VMP1: variants seen among roughly 807,000 people sequenced by gnomAD.
VMP1 encodes vacuole membrane protein 1.
Under a neutral mutation model 56.0 loss-of-function variants are expected in VMP1, and 11 were observed. That is an observed-to-expected ratio of 0.20 (90% CI 0.12 to 0.32). The LOEUF (loss-of-function observed/expected upper bound fraction) is 0.32, where lower values mean the gene tolerates loss of function less well. VMP1 is among the 10% of genes least tolerant of loss of function. The probability of loss-of-function intolerance (pLI) is 1.00; values close to 1 mark genes in which losing one functional copy is unlikely to be tolerated. For synonymous variants in VMP1, 149 were observed against 165.0 expected, an observed-to-expected ratio of 0.90 and a Z score of 0.74; for missense variants, 296 against 490.3, an observed-to-expected ratio of 0.60 and a Z score of 3.74.
intron 5 of VMP1, among the ~76,000 whole-genome samples, chr17:59,744,462 CAAA>C (rs60407542): frequency 4.8e-4 from 26 of 53,864 alleles, no homozygotes; most frequent in African/African-American, 1.4e-3. Context: ...AATTCCATCT[CAAA>C]AAAAAAAAAA....
intron 9 of VMP1, among the ~76,000 whole-genome samples, chr17:59,812,968 T>C (rs766730072): frequency 6.6e-6 from 1 of 152,100 alleles, no homozygotes; most frequent in Non-Finnish European, 1.5e-5. Flanking sequence ...TCTCTGCCCT[T>C]GTATGATTCC....
Position 59,738,787 on chromosome 17 carries a change from G to A in VMP1, c.304-50G>A, listed in dbSNP as rs762508270. The A allele has an allele frequency of 2.1e-5, 26 of 1,253,606 alleles. 1 individual carries two copies. The highest frequency in any genetic ancestry group is 1.0e-4 in the South Asian group (8 of 79,776). The allele number at this position is 1,253,606 out of a possible 1,614,324, so 77.7% of individuals were successfully genotyped here. A position where few individuals can be genotyped will look rare whatever the true frequency, so the allele number is the denominator to read the frequency against. Reference sequence around the variant, plus strand: ...ATTTTGATGATGGTTTATAAATACCGCATTTCTGTATAGAGAATTCACGGT... The same window carrying A: ...ATTTTGATGATGGTTTATAAATACCACATTTCTGTATAGAGAATTCACGGT... On this transcript the variant is annotated intron_variant, in intron 4 of 11. Coordinates refer to ENST00000262291, the MANE Select transcript of VMP1 (RefSeq NM_030938.5).
chr17:59,723,209 C>T (rs898472204), intron 1 of VMP1, among the ~76,000 whole-genome samples: 3 of 152,180 alleles, frequency 2.0e-5, no homozygotes, highest in Non-Finnish European at 4.4e-5. Flanking sequence ...ACAGCATATT[C>T]ATAAAGCACT....
intron 7 of VMP1, among the ~76,000 whole-genome samples, chr17:59,801,079 CG>C (rs2037626338): frequency 7.3e-5 from 2 of 27,342 alleles, no homozygotes; most frequent in Non-Finnish European, 2.0e-4. Context: ...GACTCCATCT[CG>C]AAAAAAAAAA....
chr17:59,839,692 A>G (rs1014908113), intron 11 of VMP1, 76 bp from the exon 12 acceptor site: 8 of 1,518,422 alleles, frequency 5.3e-6, no homozygotes, highest in East Asian at 2.4e-5. Context: ...CACTTCAAGC[A>G]TTATAGATGA....
intron 7 of VMP1, among the ~76,000 whole-genome samples, chr17:59,802,629 G>A (rs2037712309): frequency 6.6e-6 from 1 of 152,112 alleles, no homozygotes; most frequent in African/African-American, 2.4e-5. Flanking sequence ...GCAGTGGCAC[G>A]ATCTCTGCTC....
intron 7 of VMP1, among the ~76,000 whole-genome samples, chr17:59,805,150 G>A (rs113415580): frequency 0.022 from 3,361 of 152,258 alleles, 54 homozygotes; most frequent in Non-Finnish European, 0.035. Flanking sequence ...TCAGCTTCAC[G>A]TGTTCGGATA....
chr17:59,820,068 T>C (rs1238655061), intron 10 of VMP1, among the ~76,000 whole-genome samples: 4 of 152,188 alleles, frequency 2.6e-5, no homozygotes, highest in Non-Finnish European at 4.4e-5. Context: ...AATCTGAGCA[T>C]ATCATCACCA....
At chr17:59,838,100 CTTTTTTTT>C (rs371074488) in intron 10 of VMP1, 187 bp from the exon 11 acceptor site, 9 of 129,362 alleles carry the variant, frequency 7.0e-5, no homozygotes, top group Non-Finnish European at 9.3e-5. Context: ...AGTAAATTTT[CTTTTTTTT>C]TTTTTTTTTT....
chr17:59,751,186 C>A (rs2035629884), intron 5 of VMP1, among the ~76,000 whole-genome samples: 1 of 152,024 alleles, frequency 6.6e-6, no homozygotes, highest in African/African-American at 2.4e-5. Context: ...CCAGGTAGCA[C>A]CTTTTAAGCA....
At chr17:59,734,902 CTTTT>C (rs35072996) in intron 2 of VMP1, among the ~76,000 whole-genome samples, 2 of 72,290 alleles carry the variant, frequency 2.8e-5, no homozygotes, top group South Asian at 6.2e-4. Flanking sequence ...GACTGGTTGC[CTTTT>C]TTTTTTTTTT....
chr17:59,780,772 G>C (rs1448768848), intron 7 of VMP1, among the ~76,000 whole-genome samples: 1 of 152,052 alleles, frequency 6.6e-6, no homozygotes, highest in East Asian at 1.9e-4. Context: ...ATTTTCAGTA[G>C]AGATGGGATT....
At chr17:59,832,761 ATTTT>A (rs71145580) in intron 10 of VMP1, among the ~76,000 whole-genome samples, 11 of 101,346 alleles carry the variant, frequency 1.1e-4, no homozygotes, top group African/African-American at 4.4e-4. Context: ...GCCTGGCAAT[ATTTT>A]TTTTTTTTTT....
Position 59,737,524 on chromosome 17 carries a change from T to A in VMP1, c.284T>A (p.Val95Asp). ...LLAVLIATYY[V>D]EGVHQQYVQR... ...GCTGTGCTTATAGCTACGTATTATGTTGAAGGAGTGCATCAACAGGTGAGA... is the reference window on the plus strand; with the variant it reads ...GCTGTGCTTATAGCTACGTATTATGATGAAGGAGTGCATCAACAGGTGAGA... Residue 95 changes from valine (V) to aspartate (D), a missense_variant, in exon 4 of 12, where the codon GTT becomes GAT. Val to Asp is a radical substitution (Grantham distance 152). Around this residue, in one of 4 missense-constraint regions of VMP1, gnomAD observed 126 missense variants for 231.6 expected, o/e 0.54. Transcript: ENST00000262291. The A allele has an allele frequency of 6.2e-7, 1 of 1,610,784 alleles. No individual in the cohort carries two copies. The highest frequency in any genetic ancestry group is 8.5e-7 in the Non-Finnish European group (1 of 1,178,530).
chr17:59,710,672 T>A (rs546660676), intron 1 of VMP1, among the ~76,000 whole-genome samples: 84 of 152,352 alleles, frequency 5.5e-4, no homozygotes, highest in African/African-American at 1.8e-3. Flanking sequence ...ATAGTTTGTC[T>A]GAGTTCATGC....
intron 10 of VMP1, among the ~76,000 whole-genome samples, chr17:59,831,655 A>G (rs966461126): frequency 6.8e-6 from 1 of 147,876 alleles, no homozygotes; most frequent in African/African-American, 2.5e-5. Flanking sequence ...CTTGCCAAGA[A>G]GTTTGTCTTA....
intron 7 of VMP1, among the ~76,000 whole-genome samples, chr17:59,793,719 C>T (rs1226018269): frequency 1.7e-5 from 2 of 114,586 alleles, no homozygotes; most frequent in South Asian, 3.0e-4. Context: ...CTCCACCTCC[C>T]GAGTTCAAGC....
intron 5 of VMP1, among the ~76,000 whole-genome samples, chr17:59,745,097 A>T (rs749277311): frequency 2.6e-5 from 4 of 152,106 alleles, no homozygotes; most frequent in Non-Finnish European, 2.9e-5. Flanking sequence ...ACCCATTCCT[A>T]TGGGAAGATT....
At chr17:59,760,897 G>A (rs750519502) in intron 5 of VMP1, among the ~76,000 whole-genome samples, 10 of 151,792 alleles carry the variant, frequency 6.6e-5, no homozygotes, top group Non-Finnish European at 1.3e-4. Flanking sequence ...GGGATTACAG[G>A]CGTGAGCCAC....
Sources: gnomAD v4.1 joint callset for allele counts (sites outside exome capture counted in the v4.1 genomes callset) on GRCh38, gnomAD v4.1.1 for gene constraint, gnomAD v4.1.1 regional missense constraint, MANE v1.5 for transcripts, NCBI Gene and HGNC (gene_info 2026-07-23, HGNC 2026-07-21) for gene names.